Variants in PCDHGB1 observed in about 807,000 individuals in gnomAD.
The protein encoded by PCDHGB1 is protocadherin gamma-B1.
In PCDHGB1, 34 loss-of-function variants were observed where a neutral mutation model predicts 56.6. That is an observed-to-expected ratio of 0.60 (90% CI 0.46 to 0.80). The LOEUF is 0.80. Among genes scored for constraint, PCDHGB1 ranks in the 30% least tolerant of loss-of-function variants. The pLI, the probability that PCDHGB1 is intolerant of heterozygous loss-of-function variation, is 0.00. For synonymous variants in PCDHGB1, 561 were observed against 505.9 expected, an observed-to-expected ratio of 1.11 and a Z score of -1.46; for missense variants, 1,278 against 1,204.6, an observed-to-expected ratio of 1.06 and a Z score of -0.90.
At chr5:141,377,892 CT>C (rs946360367) in intron 1 of PCDHGB1, 2 of 152,170 alleles carry the variant, frequency 1.3e-5, no homozygotes, top group Non-Finnish European at 2.9e-5. Context: ...TAGGATCCCC[CT>C]CTGTTGCCCA....
chr5:141,500,894 C>G (rs1221911920), intron 2 of PCDHGB1, among the ~76,000 whole-genome samples: 1 of 150,982 alleles, frequency 6.6e-6, no homozygotes, highest in African/African-American at 2.4e-5. Flanking sequence ...TTTTTTGAGA[C>G]AGTCTCGCTC....
At chr5:141,374,332 C>T (rs759827582) in intron 1 of PCDHGB1, 3 of 1,613,984 alleles carry the variant, frequency 1.9e-6, no homozygotes, top group South Asian at 2.2e-5. Context: ...GAAACGGCAG[C>T]TTGGTCACCG....
At chr5:141,457,933 TATTGGC>T (rs2098933012) in intron 1 of PCDHGB1, among the ~76,000 whole-genome samples, 2 of 152,206 alleles carry the variant, frequency 1.3e-5, no homozygotes, top group Non-Finnish European at 2.9e-5. Context: ...AAGGGGCTTT[TATTGGC>T]TCTGCATGTC....
At position 141,423,166 on chromosome 5, in the gene PCDHGB1, G is replaced by A. The variant is rs367805855; in HGVS notation, c.2409+70497G>A. ...GCTCAAGCAGAGCCTCGTGGTGGCC[G>A]TCCAGGACCACGGCCAGCCCCCTCT... On this transcript the variant is annotated intron_variant, in intron 1 of 3. Transcript: ENST00000523390. 2.4e-5 allele frequency: 38 copies of A among 1,613,476 alleles called. No individual in the cohort carries two copies. The South Asian group carries it at 2.5e-4, about 11-fold the overall frequency.
intron 1 of PCDHGB1, chr5:141,409,138 A>T: frequency 6.2e-7 from 1 of 1,614,046 alleles, no homozygotes; most frequent in South Asian, 1.1e-5. Context: ...TTGAAGATGT[A>T]GAAAGGTACA....
At position 141,419,312 on chromosome 5, in the gene PCDHGB1, G is replaced by C. The variant is rs35892780; in HGVS notation, c.2409+66643G>C. On this transcript the variant is annotated intron_variant, in intron 1 of 3. Transcript: ENST00000523390. ...CTCTGACCCAGACTTCGGGCTCAAC[G>C]GCCGTGTCTCCTACTCTCTCATTGC... 1.0e-3 allele frequency: 1,689 copies of C among 1,613,962 alleles called. 4 individuals are homozygous for C. Among genetic ancestry groups the C allele is most frequent in the Middle Eastern group, 5.3e-3 (32 of 6,062 alleles).
intron 1 of PCDHGB1, among the ~76,000 whole-genome samples, chr5:141,459,575 G>T (rs2098970751): frequency 1.3e-5 from 2 of 152,132 alleles, no homozygotes; most frequent in Admixed American, 6.5e-5. Context: ...AAACAGAATT[G>T]TTTTGGGGGT....
intron 3 of PCDHGB1, chr5:141,507,313 T>TAC (rs1554192306): frequency 6.7e-6 from 1 of 150,168 alleles, no homozygotes. Context: ...CATAATGTAC[T>TAC]AAAAAAAAAA....
At position 141,505,495 on chromosome 5, in the gene PCDHGB1, G is replaced by A. The variant is rs767547572; in HGVS notation, c.2557+14G>A. On this transcript the variant is annotated intron_variant, in intron 3 of 3. Transcript: ENST00000523390. ...CGTCCGCCAGTGGTAAGTGGTGTCA[G>A]TGTGTGTATGGAAGAGTGGGAGACC... The A allele has an allele frequency of 7.9e-5, 128 of 1,614,092 alleles. No homozygotes were observed. Among genetic ancestry groups the A allele is most frequent in the Non-Finnish European group, 1.0e-4 (123 of 1,180,008 alleles).
At chr5:141,496,994 T>A (rs2099773177) in intron 2 of PCDHGB1, among the ~76,000 whole-genome samples, 1 of 151,862 alleles carries the variant, frequency 6.6e-6, no homozygotes, top group Non-Finnish European at 1.5e-5. Flanking sequence ...GAGACCAGCC[T>A]GGCAGCCAAC....
intron 1 of PCDHGB1, chr5:141,382,771 A>G: frequency 1.3e-6 from 1 of 753,180 alleles, no homozygotes; most frequent in Non-Finnish European, 2.1e-6. Flanking sequence ...TCCAGGCTGC[A>G]CTAAACTCAA....
chr5:141,389,924 T>A (rs749120978), intron 1 of PCDHGB1: 13 of 1,614,062 alleles, frequency 8.1e-6, no homozygotes, highest in Non-Finnish European at 1.0e-5. Flanking sequence ...CCGACCCCTC[T>A]GACCTCCAGG....
intron 1 of PCDHGB1, among the ~76,000 whole-genome samples, chr5:141,463,073 C>G (rs911706393): frequency 6.6e-6 from 1 of 152,110 alleles, no homozygotes; most frequent in African/African-American, 2.4e-5. Flanking sequence ...AAATGAAATT[C>G]AAACATTTTC....
At chr5:141,414,633 A>C (rs1368963927) in intron 1 of PCDHGB1, 1 of 1,613,988 alleles carries the variant, frequency 6.2e-7, no homozygotes, top group South Asian at 1.1e-5. Context: ...CGGACAGCAA[A>C]GAGAATGCCC....
rs199552905 is a variant in PCDHGB1 at position 141,423,400 on chromosome 5, C to A, written c.2409+70731C>A. On this transcript the variant is annotated intron_variant, in intron 1 of 3. Transcript: ENST00000523390. Reference sequence around the variant, plus strand: ...GCTGTGGCGCTGGCATAAGTCACGCCTGCTGCAGGCTTCTGAAGGCGGGTT... The same window carrying A: ...GCTGTGGCGCTGGCATAAGTCACGCATGCTGCAGGCTTCTGAAGGCGGGTT... 62 of 1,614,152 alleles carry A rather than the reference C, an allele frequency of 3.8e-5. No homozygotes were observed. The African/African-American group carries it at 6.9e-4, about 18-fold the overall frequency.
At chr5:141,362,524 G>A (rs748249722) in intron 1 of PCDHGB1, 1 of 1,613,964 alleles carries the variant, frequency 6.2e-7, no homozygotes, top group Non-Finnish European at 8.5e-7. Context: ...TGGAGCCGCT[G>A]GGGTCCCTTT....
intron 1 of PCDHGB1, chr5:141,376,715 T>C: frequency 1.6e-6 from 1 of 622,970 alleles, no homozygotes; most frequent in Non-Finnish European, 2.6e-6. Flanking sequence ...AGTCTCGCTC[T>C]GTCGCCCAGG....
intron 1 of PCDHGB1, chr5:141,419,462 C>T: frequency 6.2e-7 from 1 of 1,612,582 alleles, no homozygotes. Flanking sequence ...GCTGCAGGCC[C>T]GCGACCAGGG....
At chr5:141,488,198 GGACTC>G in intron 1 of PCDHGB1, among the ~76,000 whole-genome samples, 1 of 152,166 alleles carries the variant, frequency 6.6e-6, no homozygotes, top group Non-Finnish European at 1.5e-5. Context: ...CTGGGTCTTA[GGACTC>G]ATATCAAGTC....
Sources: allele counts gnomAD v4.1 joint callset (sites outside exome capture counted in the v4.1 genomes callset), GRCh38; gene constraint gnomAD v4.1.1; transcripts MANE v1.5; gene names NCBI Gene and HGNC (gene_info 2026-07-23, HGNC 2026-07-21).